Variants in NPHP4 observed in about 807,000 individuals in gnomAD.
NPHP4 encodes nephrocystin 4.
NPHP4 carries 151 observed loss-of-function variants against 155.8 expected under a neutral mutation model. The ratio of observed to expected loss-of-function variants is 0.97; its 90% CI spans 0.85 to 1.11. The LOEUF (loss-of-function observed/expected upper bound fraction) is 1.11, where lower values mean the gene tolerates loss of function less well. Ranked by LOEUF, NPHP4 falls within the 50% of genes least tolerant of loss-of-function variation. The pLI is 0.00. For missense variants in NPHP4, 1,956 were observed against 1,925.7 expected, an observed-to-expected ratio of 1.02 and a Z score of -0.29; for synonymous variants, 845 against 816.8, an observed-to-expected ratio of 1.03 and a Z score of -0.59.
intron 29 of NPHP4, 58 bp downstream of exon 29, chr1:5,863,832 C>A (rs1640894354): frequency 6.4e-7 from 1 of 1,570,232 alleles, no homozygotes; most frequent in Non-Finnish European, 8.8e-7. Context: ...AGGCTAACTG[C>A]CCTCCATTCA....
At chr1:5,991,779 G>A (rs897616069) in intron 1 of NPHP4, among the ~76,000 whole-genome samples, 15 of 152,218 alleles carry the variant, frequency 9.9e-5, no homozygotes, top group East Asian at 1.9e-4. Flanking sequence ...GAGCCGGGGG[G>A]CGGGGAGGAG....
intron 11 of NPHP4, among the ~76,000 whole-genome samples, chr1:5,913,703 G>GC (rs1553172098): frequency 6.6e-6 from 1 of 152,188 alleles, no homozygotes; most frequent in Non-Finnish European, 1.5e-5. Flanking sequence ...CATTCCACAC[G>GC]CAAGAGAGAC....
chr1:5,959,318 C>A (rs570201291), intron 6 of NPHP4, among the ~76,000 whole-genome samples: 1 of 152,232 alleles, frequency 6.6e-6, no homozygotes, highest in Non-Finnish European at 1.5e-5. Flanking sequence ...TTGAGGCCAA[C>A]GGGCCAGACC....
chr1:5,916,117 G>C (rs537226580), intron 11 of NPHP4, among the ~76,000 whole-genome samples: 5 of 152,270 alleles, frequency 3.3e-5, no homozygotes, highest in African/African-American at 1.2e-4. Context: ...ACATTCAAAA[G>C]CAAAATATAG....
At position 5,907,168 on chromosome 1, in the gene NPHP4, C is replaced by T. The variant is rs201503218; in HGVS notation, c.1558G>A (p.Ala520Thr). ...TGGGGTAGCTGTGAAGTAGGCCTGGCCAAGCAGTGCTGAGTCGGGGACCGC... is the reference window on the plus strand; with the variant it reads ...TGGGGTAGCTGTGAAGTAGGCCTGGTCAAGCAGTGCTGAGTCGGGGACCGC... Reference protein sequence around the residue: ...SPRSPTQHCLARPTSQLPHGS... With the variant: ...SPRSPTQHCLTRPTSQLPHGS... Residue 520 changes from alanine (A) to threonine (T), a missense_variant, in exon 13 of 30, where the codon GCC becomes ACC. Physicochemically the swap from Ala to Thr is moderately conservative, Grantham distance 58 (BLOSUM62 0). Transcript: ENST00000378156. The T allele has an allele frequency of 8.8e-6, 14 of 1,589,590 alleles. No homozygotes were observed. The Admixed American group carries it at 1.2e-4, about 14-fold the overall frequency.
chr1:5,877,709 T>C (rs1642766742), intron 19 of NPHP4, among the ~76,000 whole-genome samples: 1 of 152,140 alleles, frequency 6.6e-6, no homozygotes, highest in African/African-American at 2.4e-5. Context: ...GTTGTCCCCT[T>C]GGCAGGAGGC....
chr1:5,977,022 C>G (rs1653725422), intron 3 of NPHP4, among the ~76,000 whole-genome samples: 1 of 152,138 alleles, frequency 6.6e-6, no homozygotes, highest in Admixed American at 6.6e-5. Flanking sequence ...TTCTATATAC[C>G]TAAGATCAAA....
chr1:5,879,931 A>C (rs1643085026), intron 19 of NPHP4, among the ~76,000 whole-genome samples, 183 bp downstream of exon 19: 1 of 149,520 alleles, frequency 6.7e-6, no homozygotes, highest in South Asian at 2.1e-4. Flanking sequence ...CACGCCATTC[A>C]TGACCCACCT....
rs1252559521 is a variant in NPHP4, at chr1:5,867,865, ATGGGC to A, written c.3342_3346del (p.Lys1114AsnfsTer51). Reference sequence around the variant, plus strand: ...CTCCACAGTCAGGCAGAGCACGGCGATGGGCTTGCCACCACTCGCTCGGAACAAGA... The same window carrying A: ...CTCCACAGTCAGGCAGAGCACGGCGATTGCCACCACTCGCTCGGAACAAGA... On this transcript the variant is annotated frameshift_variant, in exon 24 of 30. Transcript: ENST00000378156. LOFTEE classifies it high-confidence loss of function. This position sits in a 1 kb window ranked among gnomAD's most constrained non-coding sequence, Gnocchi z 4.1. The A allele has an allele frequency of 6.2e-7, 1 of 1,613,940 alleles. No individual in the cohort carries two copies. The highest frequency in any genetic ancestry group is 1.1e-5 in the South Asian group (1 of 91,084).
At chr1:5,927,860 A>G in intron 10 of NPHP4, 73 bp from the exon 11 acceptor site, 2 of 1,492,632 alleles carry the variant, frequency 1.3e-6, no homozygotes, top group Non-Finnish European at 1.8e-6. Context: ...CCAACCAGGA[A>G]CAGCAGGCTC....
intron 19 of NPHP4, among the ~76,000 whole-genome samples, chr1:5,878,020 C>T (rs887356409): frequency 3.9e-5 from 6 of 152,210 alleles, no homozygotes; most frequent in East Asian, 1.9e-4. Context: ...GACCAGGCCA[C>T]GCCAAAGGCT....
At chr1:5,963,850 G>A (rs1650838101) in intron 5 of NPHP4, among the ~76,000 whole-genome samples, 1 of 152,026 alleles carries the variant, frequency 6.6e-6, no homozygotes, top group Admixed American at 6.6e-5. Context: ...CTCACACCTG[G>A]CTAATTTTTG....
intron 2 of NPHP4, among the ~76,000 whole-genome samples, chr1:5,979,903 T>C (rs1219763386): frequency 6.6e-6 from 1 of 152,142 alleles, no homozygotes; most frequent in Non-Finnish European, 1.5e-5. Context: ...GGTTAATTCC[T>C]AGGGTGGCAA....
chr1:5,990,923 T>C (rs1656158799), intron 1 of NPHP4, among the ~76,000 whole-genome samples: 1 of 152,166 alleles, frequency 6.6e-6, no homozygotes, highest in African/African-American at 2.4e-5. Context: ...TCCCGAGCAC[T>C]TGTGTTCCAG....
intron 7 of NPHP4, among the ~76,000 whole-genome samples, chr1:5,948,556 T>C (rs1477667189): frequency 6.6e-6 from 1 of 152,196 alleles, no homozygotes; most frequent in Non-Finnish European, 1.5e-5. Context: ...AAGGCTGGGC[T>C]GACCATTCTC....
chr1:5,973,554 TC>T (rs1410303192), intron 3 of NPHP4, among the ~76,000 whole-genome samples: 20 of 152,276 alleles, frequency 1.3e-4, no homozygotes, highest in Non-Finnish European at 1.6e-4. Context: ...ACCATTGCAC[TC>T]CAGCCTGGGC....
chr1:5,877,054 T>G, intron 20 of NPHP4, 39 bp downstream of exon 20: 13 of 1,318,992 alleles, frequency 9.9e-6, no homozygotes, highest in Non-Finnish European at 1.3e-5. Context: ...TCAGTCTGCA[T>G]GGAGATCCCA....
At chr1:5,875,335 T>TC (rs60253234) in intron 20 of NPHP4, among the ~76,000 whole-genome samples, 31 of 66,654 alleles carry the variant, frequency 4.7e-4, no homozygotes, top group African/African-American at 3.4e-3. Context: ...GACACGGAGG[T>TC]CCACACAGCA....
intron 2 of NPHP4, among the ~76,000 whole-genome samples, chr1:5,983,672 TC>T (rs562049173): frequency 1.9e-3 from 282 of 152,262 alleles, no homozygotes; most frequent in African/African-American, 6.1e-3. Flanking sequence ...ATGTGAGTCC[TC>T]TTAGAGACTC....
Sources: gnomAD v4.1 joint callset for allele counts (sites outside exome capture counted in the v4.1 genomes callset) on GRCh38, gnomAD v4.1.1 for gene constraint, Gnocchi (gnomAD v3.1) non-coding constraint, MANE v1.5 for transcripts, NCBI Gene and HGNC (gene_info 2026-07-23, HGNC 2026-07-21) for gene names.